Variants in TENM2 observed in about 807,000 individuals in gnomAD.
The protein encoded by TENM2 is teneurin-2.
In TENM2, 52 loss-of-function variants were observed where a neutral mutation model predicts 245.2. The observed-to-expected ratio is 0.21, with a 90% confidence interval of 0.17 to 0.27. TENM2 has a LOEUF of 0.27. TENM2 is among the 10% of genes least tolerant of loss of function. TENM2 has a pLI of 1.00. For missense variants in TENM2, 3,046 were observed against 3,666.8 expected, an observed-to-expected ratio of 0.83 and a Z score of 4.37; for synonymous variants, 1,363 against 1,438.9, an observed-to-expected ratio of 0.95 and a Z score of 1.19.
In TENM2 at chr5:167,544,178, C is replaced by T. The variant is rs187199133; in HGVS notation, c.502+168705C>T. On this transcript the variant is annotated intron_variant, in intron 2 of 28. Coordinates refer to ENST00000518659, the Ensembl canonical transcript of TENM2. ...GACCTCTACTCACCTCTGAAGTCAC[C>T]GCTTGGTTGTGTATGGTTGACCCTC... Among the ~76,000 whole-genome samples, 8 of 152,116 alleles carry T rather than the reference C, an allele frequency of 5.3e-5. No individual in the cohort carries two copies. The East Asian group carries it at 9.7e-4, about 18-fold the overall frequency.
chr5:167,170,883 T>C, the TENM2 span, among the ~76,000 whole-genome samples: 1 of 143,316 alleles, frequency 7.0e-6, no homozygotes, highest in East Asian at 1.9e-4. Context: ...TCTTTTTCCA[T>C]TTGACTTCTT....
chr5:167,875,940 C>T (rs1381529276), intron 2 of TENM2, 46 bp from the exon 5 acceptor site: 11 of 1,364,234 alleles, frequency 8.1e-6, no homozygotes, highest in East Asian at 2.5e-5. Flanking sequence ...GGGGTGCTCT[C>T]GTGACACTCA....
At position 167,942,548 on chromosome 5, in the gene TENM2, T is replaced by A. The variant is rs74691366; in HGVS notation, c.713-10040T>A. ...GTGGAGCACACCGGGACCCAGTGAT[T>A]CTTATGGCAATGCCTCTTCCTCCCA... On this transcript the variant is annotated intron_variant, in intron 3 of 28. Transcript: ENST00000518659. 5.6e-3 allele frequency among the ~76,000 whole-genome samples: 858 copies of A among 152,146 alleles called. 6 individuals carry two copies. Among genetic ancestry groups the A allele is most frequent in the African/African-American group, 0.02 (811 of 41,516 alleles).
chr5:167,729,494 A>G (rs927591422), intron 2 of TENM2, among the ~76,000 whole-genome samples: 2 of 152,190 alleles, frequency 1.3e-5, no homozygotes, highest in Admixed American at 6.5e-5. Flanking sequence ...CAAAATGACC[A>G]TTTTTATTAA....
chr5:167,671,181 G>A lies in TENM2; in HGVS notation c.503-204805G>A, dbSNP rs148585529. Reference sequence around the variant, plus strand: ...CACACCTACCCCACCCCATAGTTCCGTAGCAGTGCTTTATGAGGATAATGT... The same window carrying A: ...CACACCTACCCCACCCCATAGTTCCATAGCAGTGCTTTATGAGGATAATGT... On this transcript the variant is annotated intron_variant, in intron 2 of 28. Transcript: ENST00000518659. Among the ~76,000 whole-genome samples, 42 of 152,166 alleles carry A rather than the reference G, an allele frequency of 2.8e-4. 1 individual carries two copies. The highest frequency in any genetic ancestry group is 6.7e-4 in the African/African-American group (28 of 41,506).
chr5:167,570,718 G>C (rs2127659418), intron 2 of TENM2, among the ~76,000 whole-genome samples: 1 of 152,276 alleles, frequency 6.6e-6, no homozygotes, highest in African/African-American at 2.4e-5. Flanking sequence ...CTAAAGAAGA[G>C]CTGCATTGAA....
intron 3 of TENM2, among the ~76,000 whole-genome samples, chr5:167,876,493 G>A (rs577275999): frequency 4.6e-5 from 7 of 152,232 alleles, no homozygotes; most frequent in African/African-American, 1.2e-4. Flanking sequence ...GAGAGACACC[G>A]GCATATTGAA....
At chr5:168,044,375 A>G (rs1788442549) in intron 5 of TENM2, among the ~76,000 whole-genome samples, 1 of 152,218 alleles carries the variant, frequency 6.6e-6, no homozygotes, top group African/African-American at 2.4e-5. Context: ...AGATAGCGCC[A>G]CTGCACTAAA....
chr5:167,495,756 A>C (rs922511726), intron 2 of TENM2, among the ~76,000 whole-genome samples: 2 of 152,114 alleles, frequency 1.3e-5, no homozygotes, highest in African/African-American at 4.8e-5. Flanking sequence ...ACCTAAAAAC[A>C]AAAGAAAACA....
At chr5:167,928,918 AGAAGAAAGAAGG>A (rs1777982460) in intron 3 of TENM2, among the ~76,000 whole-genome samples, 1 of 136,190 alleles carries the variant, frequency 7.3e-6, no homozygotes. Flanking sequence ...AAAAAAAAGA[AGAAGAAAGAAGG>A]AAAAAGAAAG....
chr5:167,050,374 G>A, the TENM2 span, among the ~76,000 whole-genome samples: 1 of 152,050 alleles, frequency 6.6e-6, no homozygotes, highest in African/African-American at 2.4e-5. Context: ...GATCCGAGGT[G>A]GAACAGTTTC....
Position 168,144,787 on chromosome 5 carries a change from C to G in TENM2, c.2422+17821C>G, listed in dbSNP as rs1441057843. Among the ~76,000 whole-genome samples the G allele has an allele frequency of 1.3e-4, 20 of 152,288 alleles. No homozygotes were observed. The East Asian group carries it at 1.5e-3, about 12-fold the overall frequency. ...TTCCACATGGTTGAACTAGTTTACA[C>G]TCCCACCAACAGTGTAAAAGTGTTC... On this transcript the variant is annotated intron_variant, in intron 12 of 28. Coordinates refer to ENST00000518659, the Ensembl canonical transcript of TENM2.
chr5:167,548,976 A>T (rs1300853390), intron 2 of TENM2, among the ~76,000 whole-genome samples: 1 of 152,230 alleles, frequency 6.6e-6, no homozygotes, highest in Non-Finnish European at 1.5e-5. Context: ...CTACAAGAAT[A>T]GATTCTTAAT....
intron 5 of TENM2, among the ~76,000 whole-genome samples, chr5:168,038,013 T>G (rs247990): frequency 0.4 from 60,695 of 151,956 alleles, 13,250 homozygotes; most frequent in African/African-American, 0.57. Context: ...TAGAACCCCA[T>G]TCTTCACTGA....
chr5:167,617,739 A>G (rs774719852), intron 2 of TENM2, among the ~76,000 whole-genome samples: 7 of 152,166 alleles, frequency 4.6e-5, no homozygotes, highest in Non-Finnish European at 8.8e-5. Context: ...CTTCACGGGC[A>G]TTTAACTGGT....
intron 2 of TENM2, among the ~76,000 whole-genome samples, chr5:167,872,296 TAGAA>T (rs56684638): frequency 0.11 from 11,053 of 104,078 alleles, 646 homozygotes; most frequent in East Asian, 0.2. Context: ...AAGAGAAAGA[TAGAA>T]AGAAAGAAAG....
the TENM2 span, among the ~76,000 whole-genome samples, chr5:167,019,069 C>T: frequency 6.6e-6 from 1 of 152,150 alleles, no homozygotes; most frequent in African/African-American, 2.4e-5. Flanking sequence ...TATTTTCTAC[C>T]TATGCTACTC....
At chr5:168,143,769 G>GT (rs1215892826) in intron 12 of TENM2, among the ~76,000 whole-genome samples, 4 of 148,692 alleles carry the variant, frequency 2.7e-5, no homozygotes, top group African/African-American at 9.9e-5. Flanking sequence ...GGGCATGAGA[G>GT]TTTCTTTCAA....
chr5:167,315,617 G>A (rs936207371), intron 1 of TENM2, among the ~76,000 whole-genome samples: 3 of 152,118 alleles, frequency 2.0e-5, no homozygotes, highest in Non-Finnish European at 4.4e-5. Flanking sequence ...AACAGGTATA[G>A]TGAGGATGAT....
Sources: gnomAD v4.1 joint callset for allele counts (sites outside exome capture counted in the v4.1 genomes callset) on GRCh38, gnomAD v4.1.1 for gene constraint, MANE v1.5 for transcripts, NCBI Gene and HGNC (gene_info 2026-07-23, HGNC 2026-07-21) for gene names.